The following MAGI2 variants were observed in gnomAD, a reference collection of about 807,000 sequenced individuals.
MAGI2 encodes the protein membrane-associated guanylate kinase, WW and PDZ domain-containing protein 2.
Under a neutral mutation model 133.3 loss-of-function variants are expected in MAGI2, and 35 were observed. The ratio of observed to expected loss-of-function variants is 0.26; its 90% confidence interval spans 0.20 to 0.35. The LOEUF is 0.35. MAGI2 is among the 10% of genes least tolerant of loss of function. The pLI is 1.00. For synonymous variants in MAGI2, 729 were observed against 710.6 expected (o/e 1.03, Z -0.41); for missense variants, 1,636 against 1,863.4 (o/e 0.88, Z 2.25).
chr7:78,038,687 G>A (rs1310275466), intron 21 of MAGI2, among the ~76,000 whole-genome samples: 1 of 152,200 alleles, frequency 6.6e-6, no homozygotes, highest in Non-Finnish European at 1.5e-5. Context: ...TAGCCTGTGA[G>A]TTCACTTTGT....
intron 2 of MAGI2, among the ~76,000 whole-genome samples, chr7:78,908,605 T>C (rs933655508): frequency 1.3e-5 from 2 of 152,232 alleles, no homozygotes; most frequent in African/African-American, 4.8e-5. Flanking sequence ...ATATGATTCA[T>C]GTTGGTGTTT....
At chr7:79,246,938 C>T (rs550460863) in intron 1 of MAGI2, among the ~76,000 whole-genome samples, 139 of 152,198 alleles carry the variant, frequency 9.1e-4, no homozygotes, top group Non-Finnish European at 2.6e-4. Context: ...AATGGAATTC[C>T]AATATGTCTA....
chr7:79,133,937 AC>A (rs950550636), intron 1 of MAGI2, among the ~76,000 whole-genome samples: 1 of 152,138 alleles, frequency 6.6e-6, no homozygotes, highest in African/African-American at 2.4e-5. Context: ...TACGTTGGAA[AC>A]CTTTGTCTTT....
intron 21 of MAGI2, among the ~76,000 whole-genome samples, chr7:78,055,145 TG>T (rs1397331646): frequency 7.2e-5 from 11 of 152,184 alleles, no homozygotes; most frequent in Non-Finnish European, 1.6e-4. Context: ...CATGAGGCTC[TG>T]GGCACAATCA....
intron 3 of MAGI2, among the ~76,000 whole-genome samples, chr7:78,583,711 C>T (rs1295023582): frequency 1.3e-5 from 2 of 151,992 alleles, no homozygotes; most frequent in African/African-American, 4.8e-5. Flanking sequence ...ATGATATTAT[C>T]CTTTTGGGGA....
intron 1 of MAGI2, among the ~76,000 whole-genome samples, chr7:79,308,837 A>C (rs1329862919): frequency 6.6e-6 from 1 of 152,210 alleles, no homozygotes; most frequent in African/African-American, 2.4e-5. Context: ...ATAAGGGTTA[A>C]ATTAAATCAG....
Position 79,223,422 on chromosome 7 carries a change from T to C in MAGI2, c.302-216216A>G, listed in dbSNP as rs371175743. The stretch of plus-strand genomic sequence containing the variant: ...AAAAGTGTGGGGAAACTAGCTGCAG[T>C]GAGGAAACAGTCACTGACCACCAGA... On this transcript the variant is annotated intron_variant, in intron 1 of 21. Coordinates refer to ENST00000354212, the MANE Select transcript of MAGI2 (RefSeq NM_012301.4). Among the ~76,000 whole-genome samples, 3 of 152,090 alleles carry C rather than the reference T, an allele frequency of 2.0e-5. No individual in the cohort carries two copies. The South Asian group carries it at 6.2e-4, about 32-fold the overall frequency.
chr7:78,917,068 A>T (rs1381252704), intron 2 of MAGI2, among the ~76,000 whole-genome samples: 4 of 152,134 alleles, frequency 2.6e-5, no homozygotes, highest in Non-Finnish European at 5.9e-5. Flanking sequence ...TCAATTACTT[A>T]GTCTAAAAAA....
chr7:78,472,247 C>T (rs957921481), intron 6 of MAGI2, among the ~76,000 whole-genome samples: 1 of 152,028 alleles, frequency 6.6e-6, no homozygotes, highest in Non-Finnish European at 1.5e-5. Context: ...TGTCTTAAAA[C>T]TGCTATCTCA....
chr7:78,971,217 T>C lies in MAGI2; in HGVS notation c.418+35873A>G, dbSNP rs866528665. Reference sequence around the variant, plus strand: ...AAAGTGTGGTCAAGGTCAAAATGCCTCAGCATATGGGAGGAGGGAGAAATC... The same window carrying C: ...AAAGTGTGGTCAAGGTCAAAATGCCCCAGCATATGGGAGGAGGGAGAAATC... On this transcript the variant is annotated intron_variant, in intron 2 of 21. Transcript: ENST00000354212. 1.8e-4 allele frequency among the ~76,000 whole-genome samples: 28 copies of C among 152,174 alleles called. 1 individual carries two copies. The highest frequency in any genetic ancestry group is 1.3e-4 in the Non-Finnish European group (9 of 67,972).
chr7:79,411,410 T>C (rs1027242897), intron 1 of MAGI2: 7 of 152,146 alleles, frequency 4.6e-5, no homozygotes, highest in Non-Finnish European at 8.8e-5. Flanking sequence ...AACATGGCAA[T>C]GTGAAAACAA....
rs1343461257 is a variant in MAGI2, at chr7:78,288,337, C to T, written c.1409-31756G>A. On this transcript the variant is annotated intron_variant, in intron 9 of 21. Coordinates refer to ENST00000354212, the MANE Select transcript of MAGI2 (RefSeq NM_012301.4). ...AAATTTAATCGCTTATTTGTATTTT[C>T]CCATTAAAACTCAATGTAAACAATA... Among the ~76,000 whole-genome samples, 4 of 152,088 alleles carry T rather than the reference C, an allele frequency of 2.6e-5. No homozygotes were observed. The South Asian group carries it at 6.2e-4, about 24-fold the overall frequency.
intron 2 of MAGI2, among the ~76,000 whole-genome samples, chr7:78,711,149 A>G (rs323133): frequency 0.7 from 106,962 of 152,006 alleles, 38,000 homozygotes; most frequent in East Asian, 0.84. Context: ...AAACTTGCAC[A>G]TCATTGAAGT....
intron 1 of MAGI2, among the ~76,000 whole-genome samples, chr7:79,353,158 A>G (rs1528282): frequency 0.15 from 22,984 of 152,042 alleles, 1,860 homozygotes; most frequent in South Asian, 0.26. Flanking sequence ...GGCAACAAAC[A>G]TAGTGGTCCT....
chr7:78,567,393 T>TACAC (rs34795351), intron 3 of MAGI2, among the ~76,000 whole-genome samples: 4,721 of 148,208 alleles, frequency 0.032, 81 homozygotes, highest in South Asian at 0.085. Flanking sequence ...GCCTACACAC[T>TACAC]ACACACACAC....
At chr7:78,054,058 G>C (rs1563058830) in intron 21 of MAGI2, among the ~76,000 whole-genome samples, 1 of 152,202 alleles carries the variant, frequency 6.6e-6, no homozygotes, top group East Asian at 1.9e-4. Flanking sequence ...AGGAAACCAG[G>C]CCTTTCAGTT....
chr7:78,840,813 T>G (rs1792073161), intron 2 of MAGI2, among the ~76,000 whole-genome samples: 2 of 140,754 alleles, frequency 1.4e-5, no homozygotes, highest in South Asian at 4.5e-4. Context: ...CTTGGGCAAA[T>G]TATTAAAACT....
At chr7:78,022,317 A>G (rs1808477903) in intron 21 of MAGI2, among the ~76,000 whole-genome samples, 1 of 152,224 alleles carries the variant, frequency 6.6e-6, no homozygotes, top group Non-Finnish European at 1.5e-5. Flanking sequence ...GACCATGGTA[A>G]TGATATTTCA....
At chr7:78,590,199 G>C (rs1312478913) in intron 3 of MAGI2, among the ~76,000 whole-genome samples, 1 of 152,170 alleles carries the variant, frequency 6.6e-6, no homozygotes, top group Non-Finnish European at 1.5e-5. Context: ...ATTTAGCATA[G>C]CAATTTGAAG....
Sources: allele counts gnomAD v4.1 joint callset (sites outside exome capture counted in the v4.1 genomes callset), GRCh38; gene constraint gnomAD v4.1.1; transcripts MANE v1.5; gene names NCBI Gene and HGNC (gene_info 2026-07-23, HGNC 2026-07-21).